The following BAIAP2L1 variants were observed in gnomAD, a reference collection of about 807,000 sequenced individuals.
The protein encoded by BAIAP2L1 is BAR/IMD domain-containing adapter protein 2-like 1.
BAIAP2L1 carries 35 observed loss-of-function variants against 66.3 expected under a neutral mutation model. That is an observed-to-expected ratio of 0.53 (90% CI 0.40 to 0.70). The LOEUF is 0.70. BAIAP2L1 is among the 30% of genes least tolerant of loss of function. The pLI is 0.00. For missense variants in BAIAP2L1, 622 were observed against 656.9 expected (o/e 0.95, Z 0.58); for synonymous variants, 269 against 248.7 (o/e 1.08, Z -0.77).
intron 3 of BAIAP2L1, chr7:98,323,506 T>A (rs988147720): frequency 1.3e-5 from 2 of 152,242 alleles, no homozygotes; most frequent in African/African-American, 4.8e-5. Flanking sequence ...TTCTCTTTCA[T>A]GAACTTTATT....
chr7:98,326,310 A>G (rs563119599), intron 3 of BAIAP2L1, among the ~76,000 whole-genome samples: 1 of 152,222 alleles, frequency 6.6e-6, no homozygotes, highest in South Asian at 2.1e-4. Context: ...ACAAACAACC[A>G]ATGTGCTTGT....
At chr7:98,362,841 GTT>G (rs1347653968) in intron 1 of BAIAP2L1, among the ~76,000 whole-genome samples, 1 of 152,064 alleles carries the variant, frequency 6.6e-6, no homozygotes, top group Non-Finnish European at 1.5e-5. Context: ...CAAAGGCAAT[GTT>G]TCAAATAGAT....
intron 12 of BAIAP2L1, among the ~76,000 whole-genome samples, chr7:98,301,580 G>A (rs1289076441): frequency 6.6e-6 from 1 of 151,914 alleles, no homozygotes; most frequent in African/African-American, 2.4e-5. Flanking sequence ...GACTCCCAAA[G>A]TGCTGGGATT....
At chr7:98,396,631 C>CA (rs922666071) in intron 1 of BAIAP2L1, among the ~76,000 whole-genome samples, 1 of 151,992 alleles carries the variant, frequency 6.6e-6, no homozygotes, top group African/African-American at 2.4e-5. Flanking sequence ...CTGCTTCTAT[C>CA]AAAAAATGCA....
At chr7:98,297,217 C>T (rs902179614) in intron 12 of BAIAP2L1, among the ~76,000 whole-genome samples, 1 of 152,238 alleles carries the variant, frequency 6.6e-6, no homozygotes, top group South Asian at 2.1e-4. Flanking sequence ...TCCAAGAATC[C>T]AAAATGTGTG....
intron 3 of BAIAP2L1, among the ~76,000 whole-genome samples, chr7:98,332,782 C>T (rs1801527813): frequency 7.5e-6 from 1 of 133,422 alleles, no homozygotes; most frequent in East Asian, 2.1e-4. Flanking sequence ...GCACTCCAGC[C>T]TGGGTTACAG....
intron 3 of BAIAP2L1, among the ~76,000 whole-genome samples, chr7:98,322,590 T>C (rs1801279130): frequency 6.6e-6 from 1 of 152,192 alleles, no homozygotes; most frequent in Admixed American, 6.5e-5. Context: ...GCATGGGGCA[T>C]GGCGTGTGAA....
chr7:98,306,956 C>T (rs1035734805), intron 10 of BAIAP2L1: 1 of 167,480 alleles, frequency 6.0e-6, no homozygotes, highest in African/African-American at 2.4e-5. Flanking sequence ...TTTAATACAT[C>T]TGAACAATCT....
chr7:98,339,956 C>T (rs998421042), intron 3 of BAIAP2L1, among the ~76,000 whole-genome samples: 4 of 152,216 alleles, frequency 2.6e-5, no homozygotes, highest in Admixed American at 2.0e-4. Flanking sequence ...GTTGTTGCAG[C>T]TCCTTGGCCA....
At chr7:98,396,218 T>A (rs997747867) in intron 1 of BAIAP2L1, among the ~76,000 whole-genome samples, 1 of 152,020 alleles carries the variant, frequency 6.6e-6, no homozygotes, top group Non-Finnish European at 1.5e-5. Context: ...CCCAGGCACG[T>A]ACCACCACAC....
intron 3 of BAIAP2L1, among the ~76,000 whole-genome samples, chr7:98,343,273 A>G (rs1801789485): frequency 6.6e-6 from 1 of 150,464 alleles, no homozygotes; most frequent in Non-Finnish European, 1.5e-5. Flanking sequence ...ACACACACAC[A>G]CACACACACA....
intron 12 of BAIAP2L1, among the ~76,000 whole-genome samples, chr7:98,302,896 C>A (rs1800486998): frequency 6.6e-6 from 1 of 152,124 alleles, no homozygotes. Flanking sequence ...GCTATCCTCC[C>A]ACCACAGCCT....
intron 1 of BAIAP2L1, among the ~76,000 whole-genome samples, chr7:98,389,059 C>T (rs1376703333): frequency 2.6e-5 from 4 of 151,806 alleles, no homozygotes; most frequent in African/African-American, 9.7e-5. Flanking sequence ...TGTGACTTTC[C>T]TGATTTGTCA....
chr7:98,324,967 C>T (rs1463657434), intron 3 of BAIAP2L1, among the ~76,000 whole-genome samples: 3 of 152,216 alleles, frequency 2.0e-5, no homozygotes, highest in Non-Finnish European at 4.4e-5. Context: ...CGCAGAGCAA[C>T]GCCTGAGTCA....
Position 98,293,255 on chromosome 7 carries a change from C to T in BAIAP2L1, c.*266G>A. ...TTAAAAAATACAGTAAAGATTGAAA[C>T]CAAGTTTACTGTTTCTTGAACAGAA... On this transcript the variant is annotated 3_prime_UTR_variant, in exon 14 of 14. Coordinates refer to ENST00000005260, the MANE Select transcript of BAIAP2L1 (RefSeq NM_018842.5). The T allele has an allele frequency of 2.6e-6, 1 of 378,708 alleles. No individual in the cohort carries two copies. The highest frequency in any genetic ancestry group is 4.7e-6 in the Non-Finnish European group (1 of 211,094). The allele number at this position is 378,708 out of a possible 1,614,324, so 23.5% of individuals were successfully genotyped here. A position where few individuals can be genotyped will look rare whatever the true frequency, so the allele number is the denominator to read the frequency against.
At chr7:98,399,814 C>G (rs915423952) in intron 1 of BAIAP2L1, among the ~76,000 whole-genome samples, 1 of 152,208 alleles carries the variant, frequency 6.6e-6, no homozygotes. Context: ...CGGCTATCAA[C>G]GCATTCCTTA....
intron 3 of BAIAP2L1, among the ~76,000 whole-genome samples, chr7:98,353,593 A>C (rs959523652): frequency 1.5e-5 from 2 of 137,052 alleles, no homozygotes; most frequent in Non-Finnish European, 3.0e-5. Context: ...ATATATTTAT[A>C]TATGTATATT....
Position 98,304,205 on chromosome 7 carries a change from G to C in BAIAP2L1, c.1413C>G (p.Thr471=). ...TFKAPASKPE[T]AAPNDANGTA... ...CTGCGGCTTTACTCACAGGAGCCGCGGTCTCGGGCTTGGACGCTGGGGCCT... is the reference window on the plus strand; with the variant it reads ...CTGCGGCTTTACTCACAGGAGCCGCCGTCTCGGGCTTGGACGCTGGGGCCT... The change falls in exon 12 of 14, where the codon ACC becomes ACG. Residue 471 remains threonine, a synonymous_variant. Transcript: ENST00000005260. 6.3e-7 allele frequency: 1 copy of C among 1,596,866 alleles called. No homozygotes were observed. Among genetic ancestry groups the C allele is most frequent in the Non-Finnish European group, 8.5e-7 (1 of 1,171,178 alleles).
intron 7 of BAIAP2L1, among the ~76,000 whole-genome samples, 178 bp downstream of exon 7, chr7:98,315,282 T>C (rs1801030805): frequency 6.6e-6 from 1 of 152,050 alleles, no homozygotes; most frequent in Admixed American, 6.5e-5. Context: ...CTACCATGCC[T>C]GGCTAGTTTT....
Sources: gnomAD v4.1 joint callset for allele counts (sites outside exome capture counted in the v4.1 genomes callset) on GRCh38, gnomAD v4.1.1 for gene constraint, MANE v1.5 for transcripts, NCBI Gene and HGNC (gene_info 2026-07-23, HGNC 2026-07-21) for gene names.